Variants in CDH6 observed in about 807,000 individuals in gnomAD.
The protein encoded by CDH6 is cadherin-6.
In CDH6, 31 loss-of-function variants were observed where a neutral mutation model predicts 78.0. The observed-to-expected ratio is 0.40, with a 90% CI of 0.30 to 0.54. The LOEUF (loss-of-function observed/expected upper bound fraction) is 0.54. Among genes scored for constraint, CDH6 ranks in the 20% least tolerant of loss-of-function variants. The probability of loss-of-function intolerance (pLI) is 0.56; values close to 1 mark genes in which losing one functional copy is unlikely to be tolerated. For synonymous variants in CDH6, 376 were observed against 368.8 expected (o/e 1.02, Z -0.23); for missense variants, 724 against 975.9 (o/e 0.74, Z 3.44).
intron 1 of CDH6, among the ~76,000 whole-genome samples, chr5:31,257,543 A>G (rs1020919114): frequency 5.9e-5 from 9 of 152,190 alleles, no homozygotes. Context: ...GCACGCATTC[A>G]TCTATACATT....
At chr5:31,206,912 G>A (rs190539791) in intron 1 of CDH6, among the ~76,000 whole-genome samples, 1 of 151,608 alleles carries the variant, frequency 6.6e-6, no homozygotes, top group East Asian at 1.9e-4. Context: ...GCTTAACATG[G>A]TTTTATATTT....
At chr5:31,197,020 T>C (rs1740187586) in intron 1 of CDH6, among the ~76,000 whole-genome samples, 1 of 151,926 alleles carries the variant, frequency 6.6e-6, no homozygotes, top group Non-Finnish European at 1.5e-5. Flanking sequence ...GCAATGACTG[T>C]TTCAGAAATC....
At chr5:31,292,746 A>AATAT (rs376854148) in intron 2 of CDH6, among the ~76,000 whole-genome samples, 39 of 104,494 alleles carry the variant, frequency 3.7e-4, no homozygotes, top group South Asian at 3.0e-3. Flanking sequence ...CTGCAGACTG[A>AATAT]ATATATATAT....
chr5:31,237,133 G>A (rs990901331), intron 1 of CDH6, among the ~76,000 whole-genome samples: 4 of 151,986 alleles, frequency 2.6e-5, no homozygotes, highest in Admixed American at 6.6e-5. Flanking sequence ...GCTGAACGAG[G>A]CAGGTTAATG....
chr5:31,315,999 C>A (rs1738313826), intron 8 of CDH6, among the ~76,000 whole-genome samples: 1 of 152,136 alleles, frequency 6.6e-6, no homozygotes. Context: ...CTTTGTCACC[C>A]ATGTATCTCT....
intron 1 of CDH6, among the ~76,000 whole-genome samples, chr5:31,242,704 G>T (rs556524092): frequency 6.6e-6 from 1 of 150,758 alleles, no homozygotes; most frequent in Non-Finnish European, 1.5e-5. Context: ...ATAAGAATGG[G>T]GGGGGGCGGT....
chr5:31,321,569 G>T (rs1413901378), intron 11 of CDH6, among the ~76,000 whole-genome samples: 2 of 152,044 alleles, frequency 1.3e-5, no homozygotes, highest in African/African-American at 4.8e-5. Context: ...TTAGTACAGG[G>T]CTTAACACAT....
chr5:31,257,024 G>T (rs1346717673), intron 1 of CDH6, among the ~76,000 whole-genome samples: 1 of 152,136 alleles, frequency 6.6e-6, no homozygotes, highest in Non-Finnish European at 1.5e-5. Flanking sequence ...TATTTATTCT[G>T]CACATCCATG....
At chr5:31,297,483 A>T in intron 4 of CDH6, 75 bp downstream of exon 4, 1 of 1,098,836 alleles carries the variant, frequency 9.1e-7, no homozygotes, top group Non-Finnish European at 1.3e-6. Flanking sequence ...CATATTTTTA[A>T]TAAAAATAAT....
intron 1 of CDH6, among the ~76,000 whole-genome samples, chr5:31,211,930 A>G (rs1157610350): frequency 1.3e-5 from 2 of 152,220 alleles, no homozygotes; most frequent in African/African-American, 4.8e-5. Context: ...TTAAGGAACC[A>G]TAACCATAAA....
At chr5:31,277,930 T>C (rs930670118) in intron 2 of CDH6, among the ~76,000 whole-genome samples, 1 of 152,218 alleles carries the variant, frequency 6.6e-6, no homozygotes, top group Non-Finnish European at 1.5e-5. Context: ...GATATTTTGA[T>C]ATACGTTGTG....
intron 6 of CDH6, among the ~76,000 whole-genome samples, chr5:31,304,662 C>A (rs1420371685): frequency 7.8e-6 from 1 of 127,430 alleles, no homozygotes; most frequent in Non-Finnish European, 1.6e-5. Flanking sequence ...TCCAGCCTGG[C>A]GACAGAGCGA....
chr5:31,232,072 T>C (rs1741325225), intron 1 of CDH6, among the ~76,000 whole-genome samples: 1 of 152,206 alleles, frequency 6.6e-6, no homozygotes, highest in African/African-American at 2.4e-5. Flanking sequence ...AACTTAGGCA[T>C]CACCATTTAG....
chr5:31,267,535 C>T lies in CDH6; in HGVS notation c.62C>T (p.Ser21Leu). 1 of 1,614,114 alleles carries T rather than the reference C, an allele frequency of 6.2e-7. No homozygotes were observed. Among genetic ancestry groups the T allele is most frequent in the East Asian group, 2.2e-5 (1 of 44,852 alleles). ...GTGGGCCAGCCCTACCCAACTCTCT[C>T]AACTCCACTATCAAAGAGGACTAGT... ...FWVGQPYPTL[S>L]TPLSKRTSGF... The change falls in exon 2 of 12, where the codon TCA becomes TTA. Residue 21 changes from serine (S) to leucine (L), a missense_variant. Around this residue, in one of 3 missense-constraint regions of CDH6, gnomAD observed 58 missense variants for 50.8 expected, o/e 1.14. Coordinates refer to ENST00000265071, the MANE Select transcript of CDH6 (RefSeq NM_004932.4).
In CDH6 at chr5:31,323,494, A is replaced by C; in HGVS notation, c.*186A>C. ...CACTTTTATGAGCTTCCAAGGGGCA[A>C]ATTTTTATTTTTTAGTGCATCCAGT... is the stretch of plus-strand genomic sequence containing the variant. On this transcript the variant is annotated 3_prime_UTR_variant, in exon 12 of 12. Transcript: ENST00000265071. 1 of 641,152 alleles carries C rather than the reference A, an allele frequency of 1.6e-6. No individual in the cohort carries two copies. The highest frequency in any genetic ancestry group is 2.5e-6 in the Non-Finnish European group (1 of 393,808). The allele number at this position is 641,152 out of a possible 1,614,324, so 39.7% of individuals were successfully genotyped here.
intron 1 of CDH6, among the ~76,000 whole-genome samples, chr5:31,208,952 T>C (rs1486764058): frequency 1.3e-5 from 2 of 152,190 alleles, no homozygotes; most frequent in African/African-American, 2.4e-5. Flanking sequence ...TCTTCATGAA[T>C]ATTGCTTGGC....
At chr5:31,281,704 G>A (rs1401219506) in intron 2 of CDH6, among the ~76,000 whole-genome samples, 2 of 152,154 alleles carry the variant, frequency 1.3e-5, no homozygotes, top group African/African-American at 4.8e-5. Context: ...ATTTATTATA[G>A]TTTGTATCAT....
rs371972355 is a variant in CDH6 at position 31,323,182 on chromosome 5, C to T, written c.2247C>T (p.Ser749=). 6.2e-7 allele frequency: 1 copy of T among 1,614,182 alleles called. No individual in the cohort carries two copies. Among genetic ancestry groups the T allele is most frequent in the South Asian group, 1.1e-5 (1 of 91,072 alleles). The change falls in exon 12 of 12, where the codon TCC becomes TCT. Residue 749 remains serine (S), a synonymous_variant. Coordinates refer to ENST00000265071, the MANE Select transcript of CDH6 (RefSeq NM_004932.4). ...AYEGTGSVAD[S]LSSLESVTTD... ...AAGGCACTGGCTCCGTGGCGGATTC[C>T]CTGAGCTCGCTGGAGTCAGTGACCA...
chr5:31,289,021 CGTGA>C (rs2149944542), intron 2 of CDH6, among the ~76,000 whole-genome samples: 1 of 152,100 alleles, frequency 6.6e-6, no homozygotes, highest in Non-Finnish European at 1.5e-5. Flanking sequence ...GCACTTGTTA[CGTGA>C]GTATTACACG....
Sources: gnomAD v4.1 joint callset for allele counts (sites outside exome capture counted in the v4.1 genomes callset) on GRCh38, gnomAD v4.1.1 for gene constraint, gnomAD v4.1.1 regional missense constraint, MANE v1.5 for transcripts, NCBI Gene and HGNC (gene_info 2026-07-23, HGNC 2026-07-21) for gene names.